GALNT7: variants seen among roughly 807,000 people sequenced by gnomAD.
GALNT7 encodes polypeptide N-acetylgalactosaminyltransferase 7, also known as N-acetylgalactosaminyltransferase 7.
GALNT7 carries 60 observed loss-of-function variants against 82.1 expected under a neutral mutation model. The observed-to-expected ratio is 0.73, with a 90% CI of 0.59 to 0.91. The LOEUF (loss-of-function observed/expected upper bound fraction) is 0.91, where lower values mean the gene tolerates loss of function less well. GALNT7 is among the 40% of genes least tolerant of loss of function. The probability of loss-of-function intolerance (pLI) is 0.00; values close to 1 mark genes in which losing one functional copy is unlikely to be tolerated. For synonymous variants in GALNT7, 243 were observed against 275.1 expected (o/e 0.88, Z 1.15); for missense variants, 660 against 804.2 (o/e 0.82, Z 2.17).
chr4:173,297,291 G>T (rs935475248), intron 5 of GALNT7, among the ~76,000 whole-genome samples: 2 of 151,070 alleles, frequency 1.3e-5, no homozygotes, highest in East Asian at 3.9e-4. Flanking sequence ...TTAGAGGAGT[G>T]AGGAAGATCA....
At chr4:173,240,904 T>G (rs552197454) in intron 1 of GALNT7, among the ~76,000 whole-genome samples, 6 of 152,082 alleles carry the variant, frequency 3.9e-5, no homozygotes, top group Non-Finnish European at 8.8e-5. Context: ...TGTGGGGGGT[T>G]AGAAACAGGG....
At chr4:173,261,057 G>A (rs1247982172) in intron 2 of GALNT7, among the ~76,000 whole-genome samples, 4 of 152,194 alleles carry the variant, frequency 2.6e-5, no homozygotes, top group African/African-American at 9.7e-5. Flanking sequence ...TTATTGTCCT[G>A]CATCTGTATA....
intron 2 of GALNT7, among the ~76,000 whole-genome samples, chr4:173,249,130 A>G (rs1036215782): frequency 3.0e-4 from 45 of 152,206 alleles, no homozygotes; most frequent in African/African-American, 1.0e-3. Context: ...CTTTCAGTTT[A>G]TTCAATAACT....
chr4:173,187,210 A>G (rs1385980967), intron 1 of GALNT7, among the ~76,000 whole-genome samples: 1 of 152,186 alleles, frequency 6.6e-6, no homozygotes, highest in East Asian at 1.9e-4. Context: ...TTCTTGCCTA[A>G]ATATATGTAC....
intron 2 of GALNT7, among the ~76,000 whole-genome samples, chr4:173,250,158 T>C (rs1355291075): frequency 6.6e-6 from 1 of 152,146 alleles, no homozygotes; most frequent in Non-Finnish European, 1.5e-5. Flanking sequence ...GAGTCGCCCC[T>C]AGGTGATTTG....
At chr4:173,275,762 G>C (rs149440269) in intron 2 of GALNT7, among the ~76,000 whole-genome samples, 94 of 152,286 alleles carry the variant, frequency 6.2e-4, no homozygotes, top group African/African-American at 1.9e-3. Flanking sequence ...AATGAAATCT[G>C]TCCCAGGAAA....
At chr4:173,193,341 G>C (rs911205756) in intron 1 of GALNT7, among the ~76,000 whole-genome samples, 2 of 152,114 alleles carry the variant, frequency 1.3e-5, no homozygotes, top group African/African-American at 4.8e-5. Flanking sequence ...ATAATCTCCT[G>C]CTTTACCCTA....
At chr4:173,210,817 T>C (rs952186725) in intron 1 of GALNT7, among the ~76,000 whole-genome samples, 2 of 152,230 alleles carry the variant, frequency 1.3e-5, no homozygotes, top group Non-Finnish European at 2.9e-5. Context: ...AAATATTAAA[T>C]ATCTTTTGTA....
intron 1 of GALNT7, among the ~76,000 whole-genome samples, chr4:173,235,018 G>T (rs890724421): frequency 1.3e-5 from 2 of 151,848 alleles, no homozygotes; most frequent in Admixed American, 6.6e-5. Flanking sequence ...TATAAATTAC[G>T]CAGCTTCTGG....
In GALNT7 at chr4:173,298,314, T is replaced by G; in HGVS notation, c.1148+17T>G. The G allele has an allele frequency of 6.6e-7, 1 of 1,513,102 alleles. No homozygotes were observed. Among genetic ancestry groups the G allele is most frequent in the Admixed American group, 2.3e-5 (1 of 43,136 alleles). 93.7% of individuals were successfully genotyped at this position (1,513,102 alleles called of 1,614,324 possible). A position where few individuals can be genotyped will look rare whatever the true frequency, so the allele number is the denominator to read the frequency against. On this transcript the variant is annotated intron_variant, in intron 6 of 11. Coordinates refer to ENST00000265000, the MANE Select transcript of GALNT7 (RefSeq NM_017423.3). ...ACCGTATCGGTAATCACTAAATCAC[T>G]TACATATTTTTCTTTTCTCCAGTTG...
intron 2 of GALNT7, among the ~76,000 whole-genome samples, chr4:173,260,313 T>C (rs756590927): frequency 2.7e-4 from 41 of 152,354 alleles, no homozygotes; most frequent in Middle Eastern, 3.4e-3. Flanking sequence ...TACTGAGGAC[T>C]ATAGACTGAG....
chr4:173,213,508 T>C (rs1486475267), intron 1 of GALNT7, among the ~76,000 whole-genome samples: 1 of 152,144 alleles, frequency 6.6e-6, no homozygotes. Context: ...AATGAGACAG[T>C]AGTGTTTAAT....
intron 2 of GALNT7, among the ~76,000 whole-genome samples, chr4:173,258,713 T>G (rs1735134579): frequency 6.6e-6 from 1 of 152,198 alleles, no homozygotes; most frequent in Non-Finnish European, 1.5e-5. Context: ...CTAGAAAACT[T>G]GCAGGTCACG....
intron 1 of GALNT7, among the ~76,000 whole-genome samples, chr4:173,171,425 G>C (rs935233621): frequency 1.3e-5 from 2 of 152,196 alleles, no homozygotes; most frequent in African/African-American, 4.8e-5. Context: ...CAGTTTACCA[G>C]GTATGGGTTC....
At chr4:173,308,661 C>T (rs6840823) in intron 8 of GALNT7, among the ~76,000 whole-genome samples, 1,580 of 152,146 alleles carry the variant, frequency 0.01, 29 homozygotes, top group African/African-American at 0.036. Flanking sequence ...TCCCAGCACT[C>T]GGGGAGGCCG....
chr4:173,255,093 C>T (rs1561175309), intron 2 of GALNT7, among the ~76,000 whole-genome samples: 1 of 152,182 alleles, frequency 6.6e-6, no homozygotes, highest in Non-Finnish European at 1.5e-5. Flanking sequence ...TACGTTACCC[C>T]CATTTCTACA....
In GALNT7 at chr4:173,323,377, T is replaced by C. The variant is rs374375729; in HGVS notation, c.*1660T>C. 1.0e-4 allele frequency: 16 copies of C among 152,746 alleles called. No homozygotes were observed. The highest frequency in any genetic ancestry group is 2.0e-4 in the Admixed American group (3 of 15,296). 9.5% of individuals were successfully genotyped at this position (152,746 alleles called of 1,614,324 possible). A position where few individuals can be genotyped will look rare whatever the true frequency, so the allele number is the denominator to read the frequency against. ...TTTATAATTTTGAATTGTCAATTTGTATTTTGCTACTGATCTGTGATCAAC... is the reference window on the plus strand; with the variant it reads ...TTTATAATTTTGAATTGTCAATTTGCATTTTGCTACTGATCTGTGATCAAC... On this transcript the variant is annotated 3_prime_UTR_variant, in exon 12 of 12. Coordinates refer to ENST00000265000, the MANE Select transcript of GALNT7 (RefSeq NM_017423.3).
intron 2 of GALNT7, among the ~76,000 whole-genome samples, chr4:173,268,478 G>GA (rs1735588454): frequency 1.5e-5 from 2 of 136,322 alleles, no homozygotes; most frequent in African/African-American, 5.3e-5. Flanking sequence ...ACAAAAATGA[G>GA]AAAATCTGTG....
intron 1 of GALNT7, among the ~76,000 whole-genome samples, chr4:173,205,346 A>T (rs1356880156): frequency 6.6e-6 from 1 of 150,840 alleles, no homozygotes; most frequent in Non-Finnish European, 1.5e-5. Flanking sequence ...ACGTACTGGG[A>T]TGGGCCTGGT....
Sources: allele counts gnomAD v4.1 joint callset (sites outside exome capture counted in the v4.1 genomes callset), GRCh38; gene constraint gnomAD v4.1.1; transcripts MANE v1.5; gene names NCBI Gene and HGNC (gene_info 2026-07-23, HGNC 2026-07-21).